RPS6KA2: variants seen among roughly 807,000 people sequenced by gnomAD.
The protein encoded by RPS6KA2 is ribosomal protein S6 kinase alpha-2.
In RPS6KA2, 42 loss-of-function variants were observed where a neutral mutation model predicts 91.8. The ratio of observed to expected loss-of-function variants is 0.46; its 90% CI spans 0.36 to 0.59. RPS6KA2 has a LOEUF of 0.59. Ranked by LOEUF, RPS6KA2 falls within the 20% of genes least tolerant of loss-of-function variation. The pLI is 0.00. For synonymous variants in RPS6KA2, 414 were observed against 393.6 expected (o/e 1.05, Z -0.61); for missense variants, 798 against 978.5 (o/e 0.82, Z 2.46).
At chr6:166,517,755 G>A (rs572798169) in intron 3 of RPS6KA2, among the ~76,000 whole-genome samples, 9 of 152,024 alleles carry the variant, frequency 5.9e-5, no homozygotes, top group African/African-American at 1.5e-4. Context: ...GATTACAGGC[G>A]TGAGCCACCG....
At chr6:166,625,293 A>T (rs1405327948) in intron 1 of RPS6KA2, among the ~76,000 whole-genome samples, 1 of 149,260 alleles carries the variant, frequency 6.7e-6, no homozygotes, top group African/African-American at 2.5e-5. Flanking sequence ...TTATTTCTAC[A>T]TGGAAGAAAC....
chr6:166,468,058 C>T (rs1254971466), intron 11 of RPS6KA2, among the ~76,000 whole-genome samples: 9 of 152,276 alleles, frequency 5.9e-5, no homozygotes, highest in Admixed American at 5.9e-4. Flanking sequence ...GGCTGACACC[C>T]AGGTCCATTC....
intron 17 of RPS6KA2, among the ~76,000 whole-genome samples, chr6:166,422,986 T>C (rs940314349): frequency 2.0e-5 from 3 of 152,222 alleles, no homozygotes; most frequent in Non-Finnish European, 4.4e-5. Context: ...TTCATCCAAA[T>C]TGTCTACAGA....
intron 2 of RPS6KA2, among the ~76,000 whole-genome samples, chr6:166,721,477 C>A (rs1257086263): frequency 1.3e-5 from 2 of 152,192 alleles, no homozygotes; most frequent in Non-Finnish European, 2.9e-5. Context: ...CCAGATGGTG[C>A]CTAGTAAAAG....
intron 2 of RPS6KA2, among the ~76,000 whole-genome samples, chr6:166,722,493 G>A (rs982381805): frequency 2.6e-5 from 4 of 152,166 alleles, no homozygotes; most frequent in African/African-American, 7.2e-5. Context: ...CGTGGCCCAC[G>A]CCACGTGGAA....
chr6:166,632,351 G>A (rs556685068), intron 2 of RPS6KA2, among the ~76,000 whole-genome samples: 9 of 152,256 alleles, frequency 5.9e-5, no homozygotes, highest in Non-Finnish European at 1.0e-4. Flanking sequence ...GGTAGCTCAC[G>A]CCTATAATCC....
intron 2 of RPS6KA2, among the ~76,000 whole-genome samples, chr6:166,843,773 G>T (rs1204417041): frequency 6.6e-6 from 1 of 152,022 alleles, no homozygotes; most frequent in Non-Finnish European, 1.5e-5. Context: ...TGAAAAGCAG[G>T]TCTTGAGTCC....
Position 166,508,170 on chromosome 6 carries a change from C to G in RPS6KA2, c.459+33G>C. The stretch of plus-strand genomic sequence containing the variant: ...CTCGAGTCCCAGACAGAAGCTCCTG[C>G]CCGCCCTCCTGTGTGATGTGGCGGC... On this transcript the variant is annotated intron_variant, in intron 5 of 20. Transcript: ENST00000265678. The surrounding 1 kb of genome is among the most constrained non-coding windows in gnomAD (Gnocchi z 4.3). The G allele has an allele frequency of 6.8e-7, 1 of 1,475,822 alleles. No individual in the cohort carries two copies. The highest frequency in any genetic ancestry group is 9.5e-7 in the Non-Finnish European group (1 of 1,056,948). 91.4% of individuals were successfully genotyped at this position (1,475,822 alleles called of 1,614,324 possible).
chr6:166,571,745 T>A (rs1445112532), intron 1 of RPS6KA2, among the ~76,000 whole-genome samples: 1 of 152,146 alleles, frequency 6.6e-6, no homozygotes, highest in South Asian at 2.1e-4. Context: ...ATTTGCCACG[T>A]TGAGCGTGGT....
At chr6:166,810,419 G>A (rs530940262) in intron 2 of RPS6KA2, among the ~76,000 whole-genome samples, 79 of 152,262 alleles carry the variant, frequency 5.2e-4, no homozygotes, top group South Asian at 1.2e-3. Context: ...TCTTTGTGAC[G>A]GGAAAGTGAG....
intron 1 of RPS6KA2, among the ~76,000 whole-genome samples, chr6:166,564,708 C>T (rs1784441702): frequency 6.6e-6 from 1 of 152,168 alleles, no homozygotes; most frequent in Admixed American, 6.5e-5. Flanking sequence ...TTTCCAAATA[C>T]ACAAATAACG....
At chr6:166,583,717 T>C (rs1384796430) in intron 1 of RPS6KA2, among the ~76,000 whole-genome samples, 4 of 152,204 alleles carry the variant, frequency 2.6e-5, no homozygotes, top group Non-Finnish European at 5.9e-5. Flanking sequence ...GGCTTTCTCC[T>C]CTGGATGGCA....
chr6:166,810,529 A>T (rs1201351912), intron 2 of RPS6KA2, among the ~76,000 whole-genome samples: 1 of 151,426 alleles, frequency 6.6e-6, no homozygotes, highest in East Asian at 1.9e-4. Context: ...ACTTGAGGCT[A>T]AAAAAAAAGT....
intron 2 of RPS6KA2, among the ~76,000 whole-genome samples, chr6:166,670,541 T>C (rs904268162): frequency 6.6e-6 from 1 of 152,208 alleles, no homozygotes; most frequent in Non-Finnish European, 1.5e-5. Context: ...TCATTCTGAG[T>C]AACATGACTG....
chr6:166,559,353 C>G (rs757393043), intron 1 of RPS6KA2, among the ~76,000 whole-genome samples: 1 of 152,168 alleles, frequency 6.6e-6, no homozygotes, highest in African/African-American at 2.4e-5. Flanking sequence ...GCATGACATA[C>G]GAATTTTGTC....
At position 166,649,456 on chromosome 6, in the gene RPS6KA2, G is replaced by A. The variant is rs147903856; in HGVS notation, c.124-110672C>T. ...CCTGTTAAATCCCATGCTATGTATC[G>A]TAATTCCCAACAAAACAAATGAGCA... On this transcript the variant is annotated intron_variant, in intron 2 of 21. Transcript: ENST00000503859. Among the ~76,000 whole-genome samples, 508 of 152,260 alleles carry A rather than the reference G, an allele frequency of 3.3e-3. 2 individuals carry two copies. The highest frequency in any genetic ancestry group is 0.012 in the African/African-American group (490 of 41,540).
chr6:166,479,486 T>C (rs541377688), intron 10 of RPS6KA2, among the ~76,000 whole-genome samples: 103 of 152,210 alleles, frequency 6.8e-4, no homozygotes, highest in African/African-American at 2.4e-3. Context: ...CCGAAGAGCA[T>C]GGTGAGTGGC....
At chr6:166,480,507 ATATAT>A (rs1781169224) in intron 10 of RPS6KA2, among the ~76,000 whole-genome samples, 2 of 100,572 alleles carry the variant, frequency 2.0e-5, no homozygotes, top group African/African-American at 7.5e-5. Context: ...ATATATATAT[ATATAT>A]ATAATATATT....
chr6:166,620,308 C>T (rs1174389874), intron 1 of RPS6KA2, among the ~76,000 whole-genome samples: 1 of 152,196 alleles, frequency 6.6e-6, no homozygotes, highest in Non-Finnish European at 1.5e-5. Context: ...TAATTTCATA[C>T]AGAAGACAGA....
Sources: allele counts gnomAD v4.1 joint callset (sites outside exome capture counted in the v4.1 genomes callset), GRCh38; gene constraint gnomAD v4.1.1; non-coding constraint Gnocchi (gnomAD v3.1); transcripts MANE v1.5; gene names NCBI Gene and HGNC (gene_info 2026-07-23, HGNC 2026-07-21).